TBCK: variants seen among roughly 807,000 people sequenced by gnomAD.
TBCK encodes TBC1 domain containing kinase.
In TBCK, 99 loss-of-function variants were observed where a neutral mutation model predicts 113.4. That is an observed-to-expected ratio of 0.87 (90% CI 0.74 to 1.03). The LOEUF (loss-of-function observed/expected upper bound fraction) is 1.03. TBCK is among the 50% of genes least tolerant of loss of function. TBCK has a pLI of 0.00. For synonymous variants in TBCK, 369 were observed against 370.8 expected (o/e 1.00, Z 0.05); for missense variants, 1,045 against 1,061.3 (o/e 0.98, Z 0.21).
intron 23 of TBCK, among the ~76,000 whole-genome samples, chr4:106,156,479 G>A (rs1749137760): frequency 6.6e-6 from 1 of 152,276 alleles, no homozygotes; most frequent in South Asian, 2.1e-4. Flanking sequence ...GTTCCTCCAG[G>A]CAGGTCCAGA....
At chr4:106,161,377 C>T (rs2149708236) in intron 23 of TBCK, among the ~76,000 whole-genome samples, 1 of 152,196 alleles carries the variant, frequency 6.6e-6, no homozygotes, top group South Asian at 2.1e-4. Context: ...GGCTCAGGGC[C>T]TATCTTTTAA....
chr4:106,296,116 T>A (rs1173847499), intron 2 of TBCK, among the ~76,000 whole-genome samples: 3 of 152,170 alleles, frequency 2.0e-5, no homozygotes, highest in Middle Eastern at 3.2e-3. Flanking sequence ...GGCACAGTTC[T>A]AAGGGCCAGC....
intron 5 of TBCK, 144 bp downstream of exon 5, chr4:106,260,293 T>A (rs184668234): frequency 2.6e-6 from 1 of 378,794 alleles, no homozygotes; most frequent in East Asian, 4.1e-5. Context: ...ATTTTAAAAG[T>A]ATATGGAAAA....
intron 1 of TBCK, chr4:106,309,991 A>G (rs1398375498): frequency 6.6e-6 from 1 of 152,152 alleles, no homozygotes; most frequent in Non-Finnish European, 1.5e-5. Context: ...AACTTGCTCC[A>G]TATCAATCTG....
chr4:106,118,138 C>T (rs1211078918), intron 23 of TBCK, among the ~76,000 whole-genome samples: 2 of 151,986 alleles, frequency 1.3e-5, no homozygotes, highest in African/African-American at 2.4e-5. Flanking sequence ...ATCTCGTTTA[C>T]TCATTTTCTC....
At chr4:106,102,227 C>T (rs1388174228) in intron 24 of TBCK, among the ~76,000 whole-genome samples, 1 of 152,106 alleles carries the variant, frequency 6.6e-6, no homozygotes, top group African/African-American at 2.4e-5. Flanking sequence ...TCTTCATGTC[C>T]TTCAGCTTTC....
chr4:106,176,428 A>G (rs536155001), intron 22 of TBCK, among the ~76,000 whole-genome samples: 1 of 152,184 alleles, frequency 6.6e-6, no homozygotes, highest in East Asian at 1.9e-4. Flanking sequence ...TACTGTGAAT[A>G]TGACATAGTC....
At chr4:106,057,158 A>G (rs190225318) in intron 25 of TBCK, among the ~76,000 whole-genome samples, 238 of 151,748 alleles carry the variant, frequency 1.6e-3, no homozygotes, top group African/African-American at 5.3e-3. Flanking sequence ...TCTCTTCCTC[A>G]CAGCCTTGTG....
At chr4:106,303,156 T>C (rs1767126891) in intron 2 of TBCK, among the ~76,000 whole-genome samples, 1 of 152,188 alleles carries the variant, frequency 6.6e-6, no homozygotes, top group Non-Finnish European at 1.5e-5. Context: ...CCCTACACAG[T>C]GGCCCTGACT....
At chr4:106,195,171 ACT>A (rs1448642353) in intron 20 of TBCK, among the ~76,000 whole-genome samples, 3 of 151,842 alleles carry the variant, frequency 2.0e-5, no homozygotes, top group Admixed American at 2.0e-4. Context: ...CCTCAATTAA[ACT>A]CTGTTAAATT....
intron 25 of TBCK, among the ~76,000 whole-genome samples, chr4:106,090,725 A>C (rs1033430788): frequency 6.6e-6 from 1 of 152,084 alleles, no homozygotes; most frequent in Admixed American, 6.5e-5. Context: ...AATTAAGTTT[A>C]AACTCAGATC....
chr4:106,265,631 C>T (rs754033652), intron 3 of TBCK, among the ~76,000 whole-genome samples: 1 of 151,568 alleles, frequency 6.6e-6, no homozygotes, highest in Non-Finnish European at 1.5e-5. Context: ...CTAGTTGTTC[C>T]TTGTCGATAG....
intron 16 of TBCK, 121 bp from the exon 17 acceptor site, chr4:106,233,185 A>C: frequency 1.0e-6 from 1 of 976,704 alleles, no homozygotes. Context: ...AAACAGACCA[A>C]CTTCTTAAGT....
At chr4:106,113,678 C>T (rs1253450211) in intron 24 of TBCK, among the ~76,000 whole-genome samples, 1 of 152,198 alleles carries the variant, frequency 6.6e-6, no homozygotes, top group Admixed American at 6.5e-5. Flanking sequence ...CCTCGGACGA[C>T]ATAGGCCCTG....
At chr4:106,164,391 C>A (rs968478996) in intron 23 of TBCK, 1 of 151,866 alleles carries the variant, frequency 6.6e-6, no homozygotes, top group Non-Finnish European at 1.5e-5. Flanking sequence ...CTTATACTTA[C>A]TGTAAAAAGA....
At chr4:106,093,740 C>A (rs1191621271) in intron 25 of TBCK, among the ~76,000 whole-genome samples, 2 of 152,034 alleles carry the variant, frequency 1.3e-5, no homozygotes, top group African/African-American at 2.4e-5. Flanking sequence ...AGGCTTAGTA[C>A]CTCGGTGATA....
intron 25 of TBCK, among the ~76,000 whole-genome samples, chr4:106,059,132 T>C (rs373191730): frequency 7.9e-5 from 12 of 151,866 alleles, no homozygotes; most frequent in African/African-American, 2.9e-4. Context: ...TACTCTGCCA[T>C]TTGTCAGCTG....
At chr4:106,053,213 C>T (rs1055114360) in intron 25 of TBCK, among the ~76,000 whole-genome samples, 1 of 151,650 alleles carries the variant, frequency 6.6e-6, no homozygotes, top group African/African-American at 2.4e-5. Flanking sequence ...CTCTTTTAAT[C>T]TAATGGTTTG....
chr4:106,195,212 T>C (rs367998286), intron 20 of TBCK, among the ~76,000 whole-genome samples: 18 of 152,200 alleles, frequency 1.2e-4, no homozygotes, highest in East Asian at 9.7e-4. Flanking sequence ...TCTTTTAACA[T>C]AGGTAATTAC....
Sources: allele counts gnomAD v4.1 joint callset (sites outside exome capture counted in the v4.1 genomes callset), GRCh38; gene constraint gnomAD v4.1.1; transcripts MANE v1.5; gene names NCBI Gene and HGNC (gene_info 2026-07-23, HGNC 2026-07-21).